SH3RF1: variants seen among roughly 807,000 people sequenced by gnomAD.
The protein encoded by SH3RF1 is SH3 domain containing ring finger 1, also known as E3 ubiquitin-protein ligase SH3RF1.
In SH3RF1, 32 loss-of-function variants were observed where a neutral mutation model predicts 74.0. That is an observed-to-expected ratio of 0.43 (90% CI 0.33 to 0.58). The LOEUF (loss-of-function observed/expected upper bound fraction) is 0.58, where lower values mean the gene tolerates loss of function less well. Among genes scored for constraint, SH3RF1 ranks in the 20% least tolerant of loss-of-function variants. SH3RF1 has a pLI of 0.05. For synonymous variants in SH3RF1, 396 were observed against 439.6 expected, an observed-to-expected ratio of 0.90 and a Z score of 1.24; for missense variants, 954 against 1,130.9, an observed-to-expected ratio of 0.84 and a Z score of 2.24.
intron 10 of SH3RF1, among the ~76,000 whole-genome samples, chr4:169,111,990 C>A (rs909275431): frequency 3.9e-5 from 6 of 152,168 alleles, no homozygotes; most frequent in Non-Finnish European, 5.9e-5. Context: ...AGAAGAGAAG[C>A]TGCGACAGTC....
At chr4:169,247,129 T>C (rs1440958539) in intron 2 of SH3RF1, among the ~76,000 whole-genome samples, 2 of 152,148 alleles carry the variant, frequency 1.3e-5, no homozygotes, top group African/African-American at 4.8e-5. Context: ...AAAAGCATAA[T>C]GACTGAGGAC....
intron 2 of SH3RF1, among the ~76,000 whole-genome samples, chr4:169,198,140 A>G (rs974323152): frequency 6.6e-6 from 1 of 152,202 alleles, no homozygotes; most frequent in East Asian, 1.9e-4. Flanking sequence ...AAAAAGGCAA[A>G]TTGCCTTATG....
At chr4:169,146,177 ATATATTC>A (rs1168939969) in intron 4 of SH3RF1, among the ~76,000 whole-genome samples, 2 of 143,308 alleles carry the variant, frequency 1.4e-5, no homozygotes, top group African/African-American at 2.6e-5. Flanking sequence ...TCTATATATT[ATATATTC>A]TATATAAAAT....
chr4:169,254,663 G>A (rs1731157107), intron 2 of SH3RF1, among the ~76,000 whole-genome samples: 1 of 152,108 alleles, frequency 6.6e-6, no homozygotes, highest in Admixed American at 6.6e-5. Context: ...GCAACGTAGT[G>A]AGTTATTTTT....
chr4:169,192,342 C>A (rs1259039264), intron 2 of SH3RF1, among the ~76,000 whole-genome samples: 2 of 151,214 alleles, frequency 1.3e-5, no homozygotes, highest in African/African-American at 2.4e-5. Flanking sequence ...ATAGACAGTT[C>A]GCAAAAGAAG....
intron 2 of SH3RF1, among the ~76,000 whole-genome samples, chr4:169,258,123 A>C (rs1283498342): frequency 1.3e-5 from 2 of 152,230 alleles, no homozygotes; most frequent in Admixed American, 6.5e-5. Flanking sequence ...GAAAAGCCTC[A>C]TTTTATAAAA....
chr4:169,131,408 A>C (rs1194818521), intron 5 of SH3RF1, among the ~76,000 whole-genome samples: 1 of 152,150 alleles, frequency 6.6e-6, no homozygotes, highest in African/African-American at 2.4e-5. Flanking sequence ...ACAGGGACTC[A>C]CTATGTCACA....
intron 4 of SH3RF1, among the ~76,000 whole-genome samples, chr4:169,145,142 T>C (rs1241558256): frequency 2.0e-5 from 3 of 152,216 alleles, no homozygotes; most frequent in African/African-American, 4.8e-5. Flanking sequence ...TGTACGTTTA[T>C]TGCAGCACTA....
chr4:169,161,118 C>A (rs778460298), intron 2 of SH3RF1, among the ~76,000 whole-genome samples: 23 of 152,170 alleles, frequency 1.5e-4, no homozygotes, highest in Admixed American at 2.0e-4. Flanking sequence ...CACTTGGCTA[C>A]ACATGAAAGG....
At chr4:169,122,385 G>C (rs1733456330) in intron 6 of SH3RF1, 119 bp from the exon 7 acceptor site, 2 of 1,158,152 alleles carry the variant, frequency 1.7e-6, no homozygotes, top group Non-Finnish European at 2.4e-6. Flanking sequence ...GACTTTAATG[G>C]AATCCACACA....
intron 2 of SH3RF1, among the ~76,000 whole-genome samples, chr4:169,171,693 G>C (rs1734329745): frequency 2.6e-5 from 4 of 152,150 alleles, no homozygotes. Context: ...TATTACCTGT[G>C]CCTTTCAAGT....
intron 5 of SH3RF1, among the ~76,000 whole-genome samples, chr4:169,135,475 T>C: frequency 6.6e-6 from 1 of 152,184 alleles, no homozygotes; most frequent in Non-Finnish European, 1.5e-5. Context: ...AGCTTTGAAC[T>C]AGATTCTTTG....
chr4:169,220,889 T>C (rs757756239), intron 2 of SH3RF1, among the ~76,000 whole-genome samples: 6 of 152,374 alleles, frequency 3.9e-5, no homozygotes, highest in African/African-American at 1.4e-4. Flanking sequence ...GAAGAGGTCA[T>C]GATTTTTGTT....
intron 4 of SH3RF1, among the ~76,000 whole-genome samples, chr4:169,147,912 T>C (rs761876655): frequency 2.6e-5 from 4 of 152,116 alleles, no homozygotes; most frequent in Non-Finnish European, 5.9e-5. Flanking sequence ...CTTTAGTTAC[T>C]GGAAAAATTT....
chr4:169,118,425 G>A (rs118178415), intron 8 of SH3RF1, among the ~76,000 whole-genome samples: 1 of 152,148 alleles, frequency 6.6e-6, no homozygotes, highest in East Asian at 1.9e-4. Flanking sequence ...TTTATGCTTT[G>A]GCCCTTGATT....
chr4:169,102,915 CTTTT>C (rs66574732), intron 11 of SH3RF1, among the ~76,000 whole-genome samples: 1 of 66,876 alleles, frequency 1.5e-5, no homozygotes, highest in Non-Finnish European at 2.5e-5. Context: ...CAGTCACATT[CTTTT>C]TTTTTTTTTT....
In SH3RF1 at chr4:169,097,091, A is replaced by C. The variant is rs183789569; in HGVS notation, c.2499-404T>G. ...TTGGTGAGACTGGGAGAAGTAGCTGAGCAGGGGGGGTTCAGTCCTCTCTGA... is the reference window on the plus strand; with the variant it reads ...TTGGTGAGACTGGGAGAAGTAGCTGCGCAGGGGGGGTTCAGTCCTCTCTGA... On this transcript the variant is annotated intron_variant, in intron 11 of 11. Coordinates refer to ENST00000284637, the MANE Select transcript of SH3RF1 (RefSeq NM_020870.4). Among the ~76,000 whole-genome samples the C allele has an allele frequency of 8.9e-4, 136 of 152,270 alleles. 1 individual carries two copies. Among genetic ancestry groups the C allele is most frequent in the Middle Eastern group, 3.4e-3 (1 of 294 alleles).
chr4:169,108,686 T>C (rs1480917714), intron 10 of SH3RF1, among the ~76,000 whole-genome samples: 2 of 152,262 alleles, frequency 1.3e-5, no homozygotes, highest in African/African-American at 4.8e-5. Context: ...CAGCTGATCT[T>C]ATGCGCTTTC....
At chr4:169,142,316 T>C (rs954932938) in intron 4 of SH3RF1, among the ~76,000 whole-genome samples, 1 of 152,226 alleles carries the variant, frequency 6.6e-6, no homozygotes, top group Non-Finnish European at 1.5e-5. Flanking sequence ...TATGTGTGTA[T>C]ATATTTATGT....
Sources: gnomAD v4.1 joint callset for allele counts (sites outside exome capture counted in the v4.1 genomes callset) on GRCh38, gnomAD v4.1.1 for gene constraint, MANE v1.5 for transcripts, NCBI Gene and HGNC (gene_info 2026-07-23, HGNC 2026-07-21) for gene names.